The following CORO7 variants were observed in gnomAD, a reference collection of about 807,000 sequenced individuals.
CORO7 encodes coronin 7, also known as coronin-7.
In CORO7, 107 loss-of-function variants were observed where a neutral mutation model predicts 126.6. The observed-to-expected ratio is 0.85, with a 90% CI of 0.72 to 0.99. CORO7 has a LOEUF of 0.99. CORO7 is among the 50% of genes least tolerant of loss of function. CORO7 has a pLI of 0.00. For synonymous variants in CORO7, 603 were observed against 536.8 expected, an observed-to-expected ratio of 1.12 and a Z score of -1.70; for missense variants, 1,314 against 1,255.8, an observed-to-expected ratio of 1.05 and a Z score of -0.70.
At position 4,361,101 on chromosome 16, in the gene CORO7, G is replaced by A; in HGVS notation, c.1775-16C>T. The stretch of plus-strand genomic sequence containing the variant: ...TCCGTGTGGCCTGGAGGAAGGCAGG[G>A]GTGATCAGGAGCCCTTGGGAGACAC... On this transcript the variant is annotated splice_polypyrimidine_tract_variant and intron_variant, in intron 18 of 27. Transcript: ENST00000251166. 2 of 1,613,382 alleles carry A rather than the reference G, an allele frequency of 1.2e-6. No homozygotes were observed. Among genetic ancestry groups the A allele is most frequent in the South Asian group, 2.2e-5 (2 of 91,084 alleles).
intron 9 of CORO7, among the ~76,000 whole-genome samples, chr16:4,370,055 GTC>G (rs1377535827): frequency 6.6e-6 from 1 of 152,168 alleles, no homozygotes. Context: ...GGCAGATGGG[GTC>G]TCTCCGTCTA....
chr16:4,394,448 CAAAAAAA>C (rs569253246), intron 7 of CORO7, among the ~76,000 whole-genome samples: 1 of 61,710 alleles, frequency 1.6e-5, no homozygotes, highest in African/African-American at 5.4e-5. Context: ...GACTCCGTCT[CAAAAAAA>C]AAAAAAAAAA....
Position 4,408,254 on chromosome 16 carries a change from G to T in CORO7, c.233-3C>A. 1.2e-6 allele frequency: 2 copies of T among 1,614,244 alleles called. No homozygotes were observed. The highest frequency in any genetic ancestry group is 1.7e-6 in the Non-Finnish European group (2 of 1,180,046). On this transcript the variant is annotated splice_polypyrimidine_tract_variant and splice_region_variant and intron_variant, in intron 3 of 27. Coordinates refer to ENST00000251166, the MANE Select transcript of CORO7 (RefSeq NM_024535.5). The stretch of plus-strand genomic sequence containing the variant: ...GAAGTCCAAGTCGGTGACTAGGTCT[G>T]TGGGAGAGGAATGGCTGAACCCACC...
chr16:4,357,776 G>C lies in CORO7; in HGVS notation c.2593+192C>G, dbSNP rs1048468441. The C allele has an allele frequency of 2.8e-5, 27 of 953,506 alleles. No individual in the cohort carries two copies. In the South Asian group the frequency reaches 5.0e-4, roughly 18 times the overall value. The allele number at this position is 953,506 out of a possible 1,614,324, so 59.1% of individuals were successfully genotyped here. A position where few individuals can be genotyped will look rare whatever the true frequency, so the allele number is the denominator to read the frequency against. On this transcript the variant is annotated intron_variant, in intron 25 of 27. Transcript: ENST00000251166. ...GCGTGTGTGTGTGTGTTAGGGGTGGGGACCTGTGATGAAAACACAGACCAC... is the reference window on the plus strand; with the variant it reads ...GCGTGTGTGTGTGTGTTAGGGGTGGCGACCTGTGATGAAAACACAGACCAC...
chr16:4,355,372 G>T lies in CORO7; in HGVS notation c.2686C>A (p.Leu896Met). The T allele has an allele frequency of 6.2e-7, 1 of 1,609,242 alleles. No individual in the cohort carries two copies. Among genetic ancestry groups the T allele is most frequent in the Non-Finnish European group, 8.5e-7 (1 of 1,179,404 alleles). ...EKSDQQKKEE[L>M]LNAMVAKLGN... ...AGTTTTGCCACCATGGCATTCAGCA[G>T]CTGGGAGAGAGGGCAGAAGAAGGGT... Residue 896 changes from leucine (L) to methionine (M), a missense_variant and splice_region_variant, in exon 27 of 28, where the codon CTG (leucine) becomes ATG (methionine). Transcript: ENST00000251166.
intron 7 of CORO7, among the ~76,000 whole-genome samples, chr16:4,394,731 C>T (rs936928659): frequency 6.6e-6 from 1 of 152,246 alleles, no homozygotes; most frequent in African/African-American, 2.4e-5. Flanking sequence ...GTTGCTCCTG[C>T]CTACAAGGTC....
At position 4,357,323 on chromosome 16, in the gene CORO7, C is replaced by T. The variant is rs891012564; in HGVS notation, c.2594-64G>A. 7.6e-6 allele frequency: 11 copies of T among 1,441,794 alleles called. No individual in the cohort carries two copies. The African/African-American group carries it at 1.5e-4, about 19-fold the overall frequency. The allele number at this position is 1,441,794 out of a possible 1,614,324, so 89.3% of individuals were successfully genotyped here. A position where few individuals can be genotyped will look rare whatever the true frequency, so the allele number is the denominator to read the frequency against. On this transcript the variant is annotated intron_variant, in intron 25 of 27. Transcript: ENST00000251166. ...CGTTAGGGCTCTTTGGTGCCAAGCCCTCGGGGATTTCTTTCTTTCTTTTCT... is the reference window on the plus strand; with the variant it reads ...CGTTAGGGCTCTTTGGTGCCAAGCCTTCGGGGATTTCTTTCTTTCTTTTCT...
Position 4,412,404 on chromosome 16 carries a change from C to T in CORO7, c.184G>A (p.Gly62Ser). The T allele has an allele frequency of 6.2e-7, 1 of 1,614,214 alleles. No homozygotes were observed. The highest frequency in any genetic ancestry group is 8.5e-7 in the Non-Finnish European group (1 of 1,180,032). Reference sequence around the variant, plus strand: ...ACGCGTCGCTTGTCCTCTCCTTGGCCTTGCAGAGGCACAATGCCCAGTACA... The same window carrying T: ...ACGCGTCGCTTGTCCTCTCCTTGGCTTTGCAGAGGCACAATGCCCAGTACA... Reference protein sequence around the residue: ...PGVLGIVPLQGQGEDKRRVAH... With the variant: ...PGVLGIVPLQSQGEDKRRVAH... Residue 62 changes from glycine to serine, a missense_variant, in exon 3 of 28, where the codon GGC (glycine) becomes AGC (serine). Physicochemically the swap from Gly to Ser is moderately conservative, Grantham distance 56. Transcript: ENST00000251166.
chr16:4,364,444 G>T, intron 13 of CORO7, 31 bp from the exon 14 acceptor site: 1 of 1,487,994 alleles, frequency 6.7e-7, no homozygotes, highest in Non-Finnish European at 8.9e-7. Flanking sequence ...GGGAGATGGG[G>T]GCATGGGCTG....
intron 1 of CORO7, chr16:4,416,007 G>T: frequency 4.1e-6 from 2 of 490,964 alleles, no homozygotes; most frequent in Non-Finnish European, 5.3e-6. Flanking sequence ...GGGCTCGCCG[G>T]GGCCAGAGGA....
intron 4 of CORO7, among the ~76,000 whole-genome samples, chr16:4,407,956 C>A (rs2056067766): frequency 6.6e-6 from 1 of 152,186 alleles, no homozygotes; most frequent in South Asian, 2.1e-4. Context: ...TGGCAGCATC[C>A]CCACCTGCTG....
rs1253308903 is a variant in CORO7 at position 4,358,595 on chromosome 16, T to C, written c.2341-112A>G. ...ACTTAGGACCACCATGCCTAGGGCC[T>C]GTCCCTGGACAGTAACGTGTTGATC... is the stretch of plus-strand genomic sequence containing the variant. On this transcript the variant is annotated intron_variant, in intron 23 of 27. Coordinates refer to ENST00000251166, the MANE Select transcript of CORO7 (RefSeq NM_024535.5). The C allele has an allele frequency of 6.1e-6, 6 of 978,246 alleles. No individual in the cohort carries two copies. The South Asian group carries it at 8.5e-5, about 14-fold the overall frequency. The allele number at this position is 978,246 out of a possible 1,614,324, so 60.6% of individuals were successfully genotyped here. A position where few individuals can be genotyped will look rare whatever the true frequency, so the allele number is the denominator to read the frequency against.
At chr16:4,357,304 G>A in intron 25 of CORO7, 45 bp from the exon 26 acceptor site, 1 of 1,544,686 alleles carries the variant, frequency 6.5e-7, no homozygotes, top group Non-Finnish European at 8.7e-7. Flanking sequence ...CCTTCGTTAG[G>A]GCTCTTTGGT....
Position 4,395,284 on chromosome 16 carries a change from C to T in CORO7, c.615+5G>A, listed in dbSNP as rs764329605. On this transcript the variant is annotated splice_donor_5th_base_variant and intron_variant, in intron 7 of 27. Coordinates refer to ENST00000251166, the MANE Select transcript of CORO7 (RefSeq NM_024535.5). ...AACCCACCCCAGCTTGCCCACACAA[C>T]TCACCTGAGAGGCCCGCGGCTTTGT... 8.1e-6 allele frequency: 13 copies of T among 1,614,092 alleles called. No homozygotes were observed. The highest frequency in any genetic ancestry group is 1.0e-5 in the Non-Finnish European group (12 of 1,180,020).
At chr16:4,400,515 C>A (rs1387474881) in intron 6 of CORO7, among the ~76,000 whole-genome samples, 1 of 152,152 alleles carries the variant, frequency 6.6e-6, no homozygotes, top group Non-Finnish European at 1.5e-5. Flanking sequence ...TGCCTGTAAT[C>A]CCAGCTACTC....
At position 4,364,642 on chromosome 16, in the gene CORO7, C is replaced by T. The variant is rs2054289073; in HGVS notation, c.1092G>A (p.Val364=). 1.3e-6 allele frequency: 2 copies of T among 1,577,542 alleles called. No individual in the cohort carries two copies. Among genetic ancestry groups the T allele is most frequent in the Non-Finnish European group, 1.7e-6 (2 of 1,162,544 alleles). ...EDLFPDTAGC[V]PATDPHSWWA... ...ACCAGCTATGGGGGTCGGTGGCAGG[C>T]ACACAGCCGGCAGTGTCCGGGAACA... Residue 364 remains valine (V), a synonymous_variant, in exon 13 of 28, where the codon GTG becomes GTA. Transcript: ENST00000251166.
intron 9 of CORO7, among the ~76,000 whole-genome samples, chr16:4,385,843 A>G (rs894491356): frequency 7.9e-5 from 12 of 152,252 alleles, no homozygotes; most frequent in African/African-American, 2.7e-4. Flanking sequence ...TCTAGCTCTC[A>G]TAAGGGCACA....
In CORO7 at chr16:4,361,100, G is replaced by C; in HGVS notation, c.1775-15C>G. ...CTCCGTGTGGCCTGGAGGAAGGCAGGGGTGATCAGGAGCCCTTGGGAGACA... is the reference window on the plus strand; with the variant it reads ...CTCCGTGTGGCCTGGAGGAAGGCAGCGGTGATCAGGAGCCCTTGGGAGACA... On this transcript the variant is annotated splice_polypyrimidine_tract_variant and intron_variant, in intron 18 of 27. Coordinates refer to ENST00000251166, the MANE Select transcript of CORO7 (RefSeq NM_024535.5). 6.2e-7 allele frequency: 1 copy of C among 1,613,386 alleles called. No homozygotes were observed. The highest frequency in any genetic ancestry group is 1.3e-5 in the African/African-American group (1 of 75,058).
intron 9 of CORO7, among the ~76,000 whole-genome samples, chr16:4,384,876 T>G (rs1392236174): frequency 1.3e-5 from 2 of 152,300 alleles, no homozygotes; most frequent in East Asian, 1.9e-4. Context: ...CAAAGGGGCC[T>G]TTGTGGGCCT....
Sources: allele counts gnomAD v4.1 joint callset (sites outside exome capture counted in the v4.1 genomes callset), GRCh38; gene constraint gnomAD v4.1.1; transcripts MANE v1.5; gene names NCBI Gene and HGNC (gene_info 2026-07-23, HGNC 2026-07-21).